Variants in ASCC3 observed in about 807,000 individuals in gnomAD.
ASCC3 encodes the protein activating signal cointegrator 1 complex subunit 3, also known as ASC-1 complex subunit P200.
In ASCC3, 158 loss-of-function variants were observed where a neutral mutation model predicts 256.3. That is an observed-to-expected ratio of 0.62 (90% CI 0.54 to 0.70). ASCC3 has a LOEUF of 0.70. ASCC3 is among the 30% of genes least tolerant of loss of function. The probability of loss-of-function intolerance (pLI) is 0.00; values close to 1 mark genes in which losing one functional copy is unlikely to be tolerated. For missense variants in ASCC3, 2,259 were observed against 2,626.0 expected, an observed-to-expected ratio of 0.86 and a Z score of 3.05; for synonymous variants, 948 against 883.4, an observed-to-expected ratio of 1.07 and a Z score of -1.30.
intron 36 of ASCC3, among the ~76,000 whole-genome samples, chr6:100,579,993 T>A (rs1283492476): frequency 6.6e-6 from 1 of 152,174 alleles, no homozygotes; most frequent in African/African-American, 2.4e-5. Flanking sequence ...GTGTCAACTC[T>A]GATTTTTTTG....
chr6:100,732,504 C>T (rs1308413514), intron 10 of ASCC3, among the ~76,000 whole-genome samples: 1 of 152,068 alleles, frequency 6.6e-6, no homozygotes, highest in Non-Finnish European at 1.5e-5. Flanking sequence ...TTATTGTTTA[C>T]CCATTTCAAT....
At chr6:100,782,839 G>A (rs939564846) in intron 8 of ASCC3, among the ~76,000 whole-genome samples, 1 of 151,884 alleles carries the variant, frequency 6.6e-6, no homozygotes, top group African/African-American at 2.4e-5. Flanking sequence ...GAGGAGGGCA[G>A]GAAATAATTA....
At chr6:100,749,073 T>C (rs1015294966) in intron 10 of ASCC3, among the ~76,000 whole-genome samples, 1 of 152,050 alleles carries the variant, frequency 6.6e-6, no homozygotes, top group Non-Finnish European at 1.5e-5. Context: ...TCATGAAGAA[T>C]CAACTTTAAT....
intron 35 of ASCC3, 41 bp downstream of exon 35, chr6:100,589,907 G>A (rs1182646831): frequency 1.3e-6 from 2 of 1,592,104 alleles, no homozygotes; most frequent in Admixed American, 3.4e-5. Flanking sequence ...TCAAAAAGCT[G>A]GGCAATCTTT....
intron 10 of ASCC3, among the ~76,000 whole-genome samples, chr6:100,759,352 T>C (rs551844072): frequency 1.1e-4 from 16 of 152,324 alleles, no homozygotes; most frequent in African/African-American, 3.6e-4. Flanking sequence ...GGTTTTCTTC[T>C]AGAGTTTTTA....
At chr6:100,718,310 T>G in intron 11 of ASCC3, 59 bp from the exon 12 acceptor site, 4 of 1,419,694 alleles carry the variant, frequency 2.8e-6, no homozygotes, top group Non-Finnish European at 3.8e-6. Flanking sequence ...CAAAAAACAT[T>G]ATAATTTGTC....
Position 100,638,667 on chromosome 6 carries a change from T to G in ASCC3, c.4056A>C (p.Gly1352=). 1 of 1,614,084 alleles carries G rather than the reference T, an allele frequency of 6.2e-7. No individual in the cohort carries two copies. The highest frequency in any genetic ancestry group is 1.1e-5 in the South Asian group (1 of 91,088). ...ATTCAGCTGCAACAGTCTTTCCCGA[T>G]CCAGTAGGTGCTCCAAGTAGGACAT... is the stretch of plus-strand genomic sequence containing the variant. The part of the protein sequence containing the change: ...DCNVLLGAPT[G]SGKTVAAELA... The change falls in exon 25 of 42, where the codon GGA becomes GGC. Residue 1352 remains glycine, a synonymous_variant. Transcript: ENST00000369162.
chr6:100,537,566 G>T (rs1158555012), intron 37 of ASCC3, among the ~76,000 whole-genome samples: 1 of 151,984 alleles, frequency 6.6e-6, no homozygotes, highest in Non-Finnish European at 1.5e-5. Flanking sequence ...TTTAGGGGAG[G>T]CTGGGTAAAA....
intron 36 of ASCC3, among the ~76,000 whole-genome samples, chr6:100,580,983 G>A (rs1185957675): frequency 1.2e-4 from 19 of 152,124 alleles, no homozygotes; most frequent in Non-Finnish European, 1.8e-4. Flanking sequence ...GTCTATCATT[G>A]TTGGACATTT....
Position 100,509,166 on chromosome 6 carries a change from A to T in ASCC3, c.*220T>A, listed in dbSNP as rs1270868538. ...TGCTTTTTCATCTTACATATCAAGA[A>T]ACTCATAAAGATAACATTATAAAAG... On this transcript the variant is annotated 3_prime_UTR_variant, in exon 42 of 42. Coordinates refer to ENST00000369162, the MANE Select transcript of ASCC3 (RefSeq NM_006828.4). The T allele has an allele frequency of 1.7e-6, 1 of 572,660 alleles. No individual in the cohort carries two copies. The highest frequency in any genetic ancestry group is 3.1e-6 in the Non-Finnish European group (1 of 321,046). 35.5% of individuals were successfully genotyped at this position (572,660 alleles called of 1,614,324 possible).
chr6:100,525,916 C>T (rs1180066598), intron 37 of ASCC3, among the ~76,000 whole-genome samples: 1 of 152,156 alleles, frequency 6.6e-6, no homozygotes, highest in African/African-American at 2.4e-5. Context: ...AGTTCAAGAG[C>T]TCCCAGAAGT....
chr6:100,849,031 G>A (rs952321516), intron 3 of ASCC3, among the ~76,000 whole-genome samples: 24 of 152,084 alleles, frequency 1.6e-4, no homozygotes, highest in African/African-American at 5.8e-4. Context: ...GCTTGAGCCT[G>A]GAAGGTTGGG....
chr6:100,544,012 A>C (rs1775587940), intron 36 of ASCC3, among the ~76,000 whole-genome samples: 1 of 152,132 alleles, frequency 6.6e-6, no homozygotes, highest in Non-Finnish European at 1.5e-5. Context: ...GAAACCAATG[A>C]CAGACAGATC....
intron 18 of ASCC3, among the ~76,000 whole-genome samples, chr6:100,651,993 C>G (rs1233356475): frequency 6.6e-6 from 1 of 151,924 alleles, no homozygotes; most frequent in Non-Finnish European, 1.5e-5. Context: ...GCACAATTCA[C>G]GAATTCTAAG....
Position 100,642,649 on chromosome 6 carries a change from C to T in ASCC3, c.3833G>A (p.Gly1278Asp), listed in dbSNP as rs757979346. 3 of 1,613,848 alleles carry T rather than the reference C, an allele frequency of 1.9e-6. No individual in the cohort carries two copies. The highest frequency in any genetic ancestry group is 2.7e-5 in the African/African-American group (2 of 74,924). The change falls in exon 24 of 42, where the codon GGT becomes GAT. Residue 1278 changes from glycine to aspartate, a missense_variant. Around this residue, in one of 2 missense-constraint regions of ASCC3, gnomAD observed 1,839 missense variants for 2,206.7 expected, o/e 0.83. Coordinates refer to ENST00000369162, the MANE Select transcript of ASCC3 (RefSeq NM_006828.4). Reference protein sequence around the residue: ...YIRAVSDRWLGAEAVCIINFQ... With the variant: ...YIRAVSDRWLDAEAVCIINFQ... ...GTTGATAATACATACTGCCTCAGCA[C>T]CCAACCATCTATCAGACACTGCTCG...
chr6:100,877,266 T>C (rs910410613), intron 1 of ASCC3, among the ~76,000 whole-genome samples: 3 of 152,152 alleles, frequency 2.0e-5, no homozygotes, highest in East Asian at 1.9e-4. Flanking sequence ...CAAAGTGATA[T>C]ACTGCAGATT....
At chr6:100,820,449 GC>G (rs1173871612) in intron 4 of ASCC3, among the ~76,000 whole-genome samples, 1 of 152,122 alleles carries the variant, frequency 6.6e-6, no homozygotes, top group African/African-American at 2.4e-5. Flanking sequence ...AAAAAATTAA[GC>G]TGCACCTTTA....
intron 36 of ASCC3, among the ~76,000 whole-genome samples, chr6:100,588,998 A>C (rs1255092870): frequency 1.3e-5 from 2 of 152,162 alleles, no homozygotes; most frequent in Non-Finnish European, 2.9e-5. Flanking sequence ...AAATTATTAC[A>C]CTTAAAATCA....
intron 4 of ASCC3, among the ~76,000 whole-genome samples, chr6:100,843,154 A>C (rs1393659143): frequency 2.0e-5 from 3 of 152,222 alleles, no homozygotes; most frequent in Non-Finnish European, 2.9e-5. Flanking sequence ...TGAGAACAAA[A>C]AACGAGAATC....
Sources: allele counts gnomAD v4.1 joint callset (sites outside exome capture counted in the v4.1 genomes callset), GRCh38; gene constraint gnomAD v4.1.1; regional missense constraint gnomAD v4.1.1; transcripts MANE v1.5; gene names NCBI Gene and HGNC (gene_info 2026-07-23, HGNC 2026-07-21).